The following CD2AP variants were observed in gnomAD, a reference collection of about 807,000 sequenced individuals.
The protein encoded by CD2AP is CD2 associated protein, also known as CD2-associated protein.
A neutral mutation model predicts 85.1 loss-of-function variants in CD2AP; 46 were observed. The ratio of observed to expected loss-of-function variants is 0.54; its 90% CI spans 0.43 to 0.69. The LOEUF (loss-of-function observed/expected upper bound fraction) is 0.69. Among genes scored for constraint, CD2AP ranks in the 30% least tolerant of loss-of-function variants. The pLI is 0.00. For missense variants in CD2AP, 769 were observed against 729.5 expected (o/e 1.05, Z -0.62); for synonymous variants, 255 against 252.9 (o/e 1.01, Z -0.08).
At chr6:47,536,165 A>C (rs1482512795) in intron 3 of CD2AP, among the ~76,000 whole-genome samples, 2 of 151,952 alleles carry the variant, frequency 1.3e-5, no homozygotes, top group African/African-American at 2.4e-5. Flanking sequence ...ACAGGATGCA[A>C]ATTGTTTTTG....
chr6:47,478,185 C>A lies in CD2AP; in HGVS notation c.-60C>A. 6.4e-7 allele frequency: 1 copy of A among 1,554,072 alleles called. No individual in the cohort carries two copies. Among genetic ancestry groups the A allele is most frequent in the South Asian group, 1.2e-5 (1 of 84,422 alleles). ...CAGCCGCGGGAGCGGCCGCGCGAGCCACCACTGGAGGAGGAGGAGGAGGAG... is the reference window on the plus strand; with the variant it reads ...CAGCCGCGGGAGCGGCCGCGCGAGCAACCACTGGAGGAGGAGGAGGAGGAG... On this transcript the variant is annotated 5_prime_UTR_variant, in exon 1 of 18. Coordinates refer to ENST00000359314, the MANE Select transcript of CD2AP (RefSeq NM_012120.3).
chr6:47,533,633 A>G lies in CD2AP; in HGVS notation c.197A>G (p.Asp66Gly). The G allele has an allele frequency of 1.2e-6, 2 of 1,614,040 alleles. No homozygotes were observed. Among genetic ancestry groups the G allele is most frequent in the Non-Finnish European group, 1.7e-6 (2 of 1,179,958 alleles). The change falls in exon 3 of 18, where the codon GAC becomes GGC. Residue 66 changes from aspartate (D) to glycine (G), a missense_variant. Asp to Gly is a moderately conservative substitution (Grantham distance 94). Transcript: ENST00000359314. ...EIKRETEFKD[D>G]SLPIKRERHG... ...AAAAGAGAGACGGAATTCAAGGATG[A>G]CAGTTTGCCCATCAAACGGGAAAGG...
chr6:47,605,171 G>C (rs890265547), intron 13 of CD2AP, among the ~76,000 whole-genome samples: 11 of 151,962 alleles, frequency 7.2e-5, no homozygotes, highest in African/African-American at 2.7e-4. Context: ...AGATCTGGAC[G>C]ATTAGACCAA....
intron 5 of CD2AP, among the ~76,000 whole-genome samples, chr6:47,566,323 T>TATATATAC: frequency 9.2e-6 from 1 of 108,388 alleles, no homozygotes; most frequent in Admixed American, 9.2e-5. Flanking sequence ...TATATATATA[T>TATATATAC]ACACATACAC....
At position 47,533,668 on chromosome 6, in the gene CD2AP, G is replaced by T. The variant is rs1287206715; in HGVS notation, c.232G>T (p.Val78Leu). Reference sequence around the variant, plus strand: ...CATCAAACGGGAAAGGCATGGGAATGTAGCAAGTCTTGTACAACGAATAAG... The same window carrying T: ...CATCAAACGGGAAAGGCATGGGAATTTAGCAAGTCTTGTACAACGAATAAG... ...LPIKRERHGN[V>L]ASLVQRISTY... Residue 78 changes from valine (V) to leucine (L), a missense_variant, in exon 3 of 18, where the codon GTA (valine) becomes TTA (leucine). Physicochemically the swap from Val to Leu is conservative, Grantham distance 32 (BLOSUM62 1). Coordinates refer to ENST00000359314, the MANE Select transcript of CD2AP (RefSeq NM_012120.3). 6.2e-7 allele frequency: 1 copy of T among 1,614,096 alleles called. No individual in the cohort carries two copies. Among genetic ancestry groups the T allele is most frequent in the Admixed American group, 1.7e-5 (1 of 60,018 alleles).
intron 4 of CD2AP, among the ~76,000 whole-genome samples, chr6:47,553,728 A>T (rs1414268197): frequency 6.6e-6 from 1 of 151,996 alleles, no homozygotes; most frequent in African/African-American, 2.4e-5. Flanking sequence ...ATACATTTTT[A>T]AAGTTATTAA....
At chr6:47,572,338 G>A (rs950189828) in intron 5 of CD2AP, among the ~76,000 whole-genome samples, 1 of 152,160 alleles carries the variant, frequency 6.6e-6, no homozygotes, top group South Asian at 2.1e-4. Flanking sequence ...TACATGGTGC[G>A]ACATTTGTCA....
chr6:47,503,728 G>A (rs1001004159), intron 2 of CD2AP, among the ~76,000 whole-genome samples: 2 of 152,056 alleles, frequency 1.3e-5, no homozygotes, highest in Non-Finnish European at 2.9e-5. Flanking sequence ...CATTTGGGTG[G>A]CATTTAGTAA....
At chr6:47,502,425 G>A (rs1269875287) in intron 1 of CD2AP, among the ~76,000 whole-genome samples, 1 of 151,844 alleles carries the variant, frequency 6.6e-6, no homozygotes, top group African/African-American at 2.4e-5. Context: ...TGCCATGTCT[G>A]GCTGGTTTTT....
At chr6:47,511,735 C>A (rs566946371) in intron 2 of CD2AP, among the ~76,000 whole-genome samples, 1 of 152,198 alleles carries the variant, frequency 6.6e-6, no homozygotes, top group Non-Finnish European at 1.5e-5. Flanking sequence ...TTTATCACTT[C>A]AGATGTGTAT....
chr6:47,583,251 T>C (rs1231061227), intron 11 of CD2AP, among the ~76,000 whole-genome samples: 1 of 152,186 alleles, frequency 6.6e-6, no homozygotes, highest in Non-Finnish European at 1.5e-5. Flanking sequence ...TCAGTGAGCC[T>C]TCCTACATTG....
At chr6:47,623,223 G>T (rs1769811007) in intron 17 of CD2AP, among the ~76,000 whole-genome samples, 2 of 152,150 alleles carry the variant, frequency 1.3e-5, no homozygotes, top group Admixed American at 1.3e-4. Context: ...TATACTTTTT[G>T]ACTATGGCAA....
chr6:47,542,958 C>G (rs750724689), intron 3 of CD2AP, among the ~76,000 whole-genome samples: 9 of 151,830 alleles, frequency 5.9e-5, no homozygotes, highest in Admixed American at 6.6e-5. Context: ...TGAGACCAGC[C>G]TGACTAACAT....
intron 1 of CD2AP, among the ~76,000 whole-genome samples, chr6:47,502,463 G>T (rs1047610349): frequency 6.7e-6 from 1 of 149,016 alleles, no homozygotes. Flanking sequence ...GGGTTTTGTT[G>T]TGTTGCCCTG....
intron 1 of CD2AP, among the ~76,000 whole-genome samples, chr6:47,478,606 C>G (rs9473118): frequency 2.6e-5 from 4 of 152,218 alleles, no homozygotes; most frequent in African/African-American, 9.6e-5. Context: ...GCTTCCCTCC[C>G]CCTCCTCGTG....
chr6:47,544,919 A>G (rs1767326470), intron 4 of CD2AP: 2 of 466,934 alleles, frequency 4.3e-6, no homozygotes, highest in Admixed American at 7.6e-5. Flanking sequence ...AAAGCTAAAA[A>G]TTAATGAAAT....
At chr6:47,589,184 G>A (rs1371786689) in intron 11 of CD2AP, among the ~76,000 whole-genome samples, 4 of 151,966 alleles carry the variant, frequency 2.6e-5, no homozygotes, top group Non-Finnish European at 5.9e-5. Context: ...GATTTGATAC[G>A]AAATATTGGC....
At chr6:47,523,161 T>A (rs1353912108) in intron 2 of CD2AP, among the ~76,000 whole-genome samples, 1 of 152,066 alleles carries the variant, frequency 6.6e-6, no homozygotes, top group Non-Finnish European at 1.5e-5. Flanking sequence ...ATTGACGACT[T>A]TAATAGAACA....
chr6:47,618,054 C>T (rs951103350), intron 17 of CD2AP, among the ~76,000 whole-genome samples: 1 of 152,160 alleles, frequency 6.6e-6, no homozygotes, highest in Admixed American at 6.5e-5. Context: ...CACGGTGGCT[C>T]ACACCTGTAA....
Sources: gnomAD v4.1 joint callset for allele counts (sites outside exome capture counted in the v4.1 genomes callset) on GRCh38, gnomAD v4.1.1 for gene constraint, MANE v1.5 for transcripts, NCBI Gene and HGNC (gene_info 2026-07-23, HGNC 2026-07-21) for gene names.